The following ZBTB20 variants were observed in gnomAD, a reference collection of about 807,000 sequenced individuals.
ZBTB20 encodes the protein zinc finger and BTB domain containing 20.
In ZBTB20, 9 loss-of-function variants were observed where a neutral mutation model predicts 56.9. That is an observed-to-expected ratio of 0.16 (90% CI 0.10 to 0.28). The LOEUF (loss-of-function observed/expected upper bound fraction) is 0.28, where lower values mean the gene tolerates loss of function less well. Ranked by LOEUF, ZBTB20 falls within the 10% of genes least tolerant of loss-of-function variation. ZBTB20 has a pLI of 1.00. For missense variants in ZBTB20, 655 were observed against 1,003.0 expected (o/e 0.65, Z 4.69); for synonymous variants, 417 against 420.7 (o/e 0.99, Z 0.11).
At chr3:114,926,797 T>C (rs931479491) in intron 3 of ZBTB20, among the ~76,000 whole-genome samples, 1 of 152,190 alleles carries the variant, frequency 6.6e-6, no homozygotes, top group Non-Finnish European at 1.5e-5. Context: ...TCACCCAGGC[T>C]TTGTCACCCA....
At chr3:115,002,906 G>A (rs1441769898) in intron 2 of ZBTB20, among the ~76,000 whole-genome samples, 2 of 151,576 alleles carry the variant, frequency 1.3e-5, no homozygotes, top group Admixed American at 6.6e-5. Flanking sequence ...TGGAGGCAAC[G>A]ACGATGTCTT....
At chr3:114,939,084 G>T (rs2076645340) in intron 3 of ZBTB20, among the ~76,000 whole-genome samples, 1 of 145,672 alleles carries the variant, frequency 6.9e-6, no homozygotes, top group Non-Finnish European at 1.5e-5. Flanking sequence ...GGATCCACAG[G>T]TATAGCAGCT....
intron 1 of ZBTB20, among the ~76,000 whole-genome samples, chr3:115,101,023 A>C (rs1281386462): frequency 6.6e-6 from 1 of 152,258 alleles, no homozygotes; most frequent in East Asian, 1.9e-4. Flanking sequence ...ATTAAGCTTA[A>C]TTAAGTAACT....
chr3:114,811,584 A>T (rs966925192), intron 4 of ZBTB20, among the ~76,000 whole-genome samples: 9 of 152,240 alleles, frequency 5.9e-5, no homozygotes, highest in African/African-American at 2.2e-4. Flanking sequence ...TGTATAAAGC[A>T]TTAATTGTGA....
chr3:114,913,053 T>C (rs2075605212), intron 3 of ZBTB20, among the ~76,000 whole-genome samples: 2 of 152,068 alleles, frequency 1.3e-5, no homozygotes, highest in Non-Finnish European at 2.9e-5. Flanking sequence ...TGAAAGTGCA[T>C]ATATATCTTC....
chr3:114,633,423 GT>G (rs2059076441), intron 6 of ZBTB20, among the ~76,000 whole-genome samples: 1 of 151,868 alleles, frequency 6.6e-6, no homozygotes, highest in South Asian at 2.1e-4. Flanking sequence ...TTTTTTTCCT[GT>G]TGATCTATCT....
chr3:114,636,203 T>C (rs1377894751), intron 6 of ZBTB20, among the ~76,000 whole-genome samples: 1 of 152,034 alleles, frequency 6.6e-6, no homozygotes, highest in Non-Finnish European at 1.5e-5. Flanking sequence ...CATCCTTCAA[T>C]AATAAAGAAG....
At chr3:114,779,134 C>T (rs76636320) in intron 5 of ZBTB20, among the ~76,000 whole-genome samples, 5,204 of 152,174 alleles carry the variant, frequency 0.034, 147 homozygotes, top group African/African-American at 0.07. Context: ...GCTGAGCAGT[C>T]GATATGAATT....
At chr3:114,943,441 T>G (rs926039029) in intron 3 of ZBTB20, among the ~76,000 whole-genome samples, 8 of 145,604 alleles carry the variant, frequency 5.5e-5, no homozygotes, top group Admixed American at 5.3e-4. Context: ...TGATACAGAT[T>G]AAAGAATTAT....
chr3:114,801,330 G>GA (rs779994547), intron 4 of ZBTB20, among the ~76,000 whole-genome samples, 156 bp from the exon 5 acceptor site: 145 of 66,970 alleles, frequency 2.2e-3, no homozygotes, highest in African/African-American at 3.4e-3. Context: ...TTCTGTTAAG[G>GA]AAAAAAAAAA....
chr3:114,678,927 A>G (rs1176451257), intron 6 of ZBTB20, among the ~76,000 whole-genome samples: 1 of 152,208 alleles, frequency 6.6e-6, no homozygotes, highest in Non-Finnish European at 1.5e-5. Context: ...GAACAGAAGT[A>G]AGAAAATAAA....
chr3:114,369,107 G>A (rs1439549250), intron 10 of ZBTB20, among the ~76,000 whole-genome samples: 1 of 152,038 alleles, frequency 6.6e-6, no homozygotes, highest in Non-Finnish European at 1.5e-5. Flanking sequence ...CTAAATACCT[G>A]GTTAAGATAT....
At chr3:114,633,828 T>C (rs1305071263) in intron 6 of ZBTB20, among the ~76,000 whole-genome samples, 1 of 152,142 alleles carries the variant, frequency 6.6e-6, no homozygotes, top group Non-Finnish European at 1.5e-5. Flanking sequence ...AATCTAGAGA[T>C]GAAAAATAGT....
At chr3:114,970,077 T>TG (rs1461443040) in intron 3 of ZBTB20, among the ~76,000 whole-genome samples, 2 of 152,238 alleles carry the variant, frequency 1.3e-5, no homozygotes, top group African/African-American at 4.8e-5. Flanking sequence ...CCACACATAC[T>TG]GGGCTCTTGA....
chr3:114,991,432 C>T (rs1359540886), intron 2 of ZBTB20, among the ~76,000 whole-genome samples: 1 of 152,074 alleles, frequency 6.6e-6, no homozygotes, highest in African/African-American at 2.4e-5. Flanking sequence ...GTTTCTTAAT[C>T]CCGAGTTCTA....
At chr3:114,638,772 C>T (rs1030000188) in intron 6 of ZBTB20, among the ~76,000 whole-genome samples, 2 of 151,718 alleles carry the variant, frequency 1.3e-5, no homozygotes, top group African/African-American at 2.4e-5. Context: ...CAATGTAGCT[C>T]AATTATTATA....
At chr3:115,128,191 T>C (rs1460972366) in intron 1 of ZBTB20, among the ~76,000 whole-genome samples, 2 of 152,204 alleles carry the variant, frequency 1.3e-5, no homozygotes, top group African/African-American at 2.4e-5. Flanking sequence ...TTTAAAAATA[T>C]GTCTATCTCA....
intron 2 of ZBTB20, among the ~76,000 whole-genome samples, chr3:115,052,740 G>T (rs995047159): frequency 1.3e-5 from 2 of 152,000 alleles, no homozygotes; most frequent in Non-Finnish European, 2.9e-5. Context: ...AATGTTTGAG[G>T]TATATCTAAT....
chr3:114,402,746 G>A (rs1416212128), intron 7 of ZBTB20, among the ~76,000 whole-genome samples: 1 of 152,180 alleles, frequency 6.6e-6, no homozygotes, highest in African/African-American at 2.4e-5. Flanking sequence ...AAACAGCCAT[G>A]AGACACAACA....
Sources: allele counts gnomAD v4.1 joint callset (sites outside exome capture counted in the v4.1 genomes callset), GRCh38; gene constraint gnomAD v4.1.1; transcripts MANE v1.5; gene names NCBI Gene and HGNC (gene_info 2026-07-23, HGNC 2026-07-21).